Variants in DSCAM observed in about 807,000 individuals in gnomAD.
DSCAM encodes cell adhesion molecule DSCAM.
A neutral mutation model predicts 217.7 loss-of-function variants in DSCAM; 47 were observed. The observed-to-expected ratio is 0.22, with a 90% CI of 0.17 to 0.28. DSCAM has a LOEUF of 0.28. DSCAM is among the 10% of genes least tolerant of loss of function. The probability of loss-of-function intolerance (pLI) is 1.00; values close to 1 mark genes in which losing one functional copy is unlikely to be tolerated. For missense variants in DSCAM, 2,080 were observed against 2,618.3 expected (o/e 0.79, Z 4.49); for synonymous variants, 1,056 against 1,015.3 (o/e 1.04, Z -0.76).
At chr21:40,646,433 G>GA (rs1252969987) in intron 3 of DSCAM, among the ~76,000 whole-genome samples, 1 of 146,486 alleles carries the variant, frequency 6.8e-6, no homozygotes, top group East Asian at 2.1e-4. Context: ...AAAAAAGGGG[G>GA]GCTGTTCACC....
At chr21:40,294,957 T>C (rs2073937333) in intron 10 of DSCAM, among the ~76,000 whole-genome samples, 1 of 152,170 alleles carries the variant, frequency 6.6e-6, no homozygotes, top group South Asian at 2.1e-4. Context: ...AGACAGTGTC[T>C]AGCAACCTTC....
intron 32 of DSCAM, among the ~76,000 whole-genome samples, chr21:40,014,711 C>T (rs1413076258): frequency 1.3e-5 from 2 of 152,202 alleles, no homozygotes; most frequent in Non-Finnish European, 2.9e-5. Context: ...CTCCTTGCCA[C>T]CTCCTGCTTC....
At chr21:40,638,535 A>C (rs1055513058) in intron 3 of DSCAM, among the ~76,000 whole-genome samples, 1 of 152,182 alleles carries the variant, frequency 6.6e-6, no homozygotes, top group African/African-American at 2.4e-5. Context: ...ATTTAAATAT[A>C]AGATAGACAG....
At chr21:40,834,900 G>A (rs1020058972) in intron 1 of DSCAM, among the ~76,000 whole-genome samples, 12 of 152,186 alleles carry the variant, frequency 7.9e-5, no homozygotes, top group Non-Finnish European at 1.8e-4. Context: ...ATGGAGAGAG[G>A]TGAAATGCCG....
chr21:40,189,289 T>G, intron 11 of DSCAM, 51 bp from the exon 12 acceptor site: 4 of 1,423,714 alleles, frequency 2.8e-6, no homozygotes, highest in Non-Finnish European at 3.7e-6. Flanking sequence ...GGTTCTTGAT[T>G]TTCCCTGGCA....
chr21:40,646,617 TC>T (rs1167662227), intron 3 of DSCAM, among the ~76,000 whole-genome samples: 2 of 152,138 alleles, frequency 1.3e-5, no homozygotes, highest in Non-Finnish European at 2.9e-5. Context: ...AATAATGACT[TC>T]CAACATGAAG....
intron 3 of DSCAM, among the ~76,000 whole-genome samples, chr21:40,454,527 G>C (rs951162190): frequency 1.3e-5 from 2 of 152,124 alleles, no homozygotes; most frequent in African/African-American, 4.8e-5. Context: ...GAACAGAAAG[G>C]AATCCTTCTA....
At chr21:40,110,530 T>G (rs2089883649) in intron 20 of DSCAM, among the ~76,000 whole-genome samples, 1 of 152,174 alleles carries the variant, frequency 6.6e-6, no homozygotes, top group Non-Finnish European at 1.5e-5. Context: ...CAAAGGAACG[T>G]AGCTCCTCAC....
chr21:40,115,781 G>T (rs546553181), intron 20 of DSCAM, among the ~76,000 whole-genome samples: 1 of 152,264 alleles, frequency 6.6e-6, no homozygotes, highest in African/African-American at 2.4e-5. Flanking sequence ...AATACCATTT[G>T]ACCTGGCAAT....
chr21:40,420,019 A>C (rs1321540983), intron 3 of DSCAM, among the ~76,000 whole-genome samples: 1 of 152,210 alleles, frequency 6.6e-6, no homozygotes, highest in Non-Finnish European at 1.5e-5. Context: ...AGTGGTTATG[A>C]AAATGACATA....
At position 40,078,818 on chromosome 21, in the gene DSCAM, G is replaced by A. The variant is rs1400861725; in HGVS notation, c.4580C>T (p.Thr1527Ile). The stretch of plus-strand genomic sequence containing the variant: ...CAGGATGTAGGACTTGGAGAGAGAG[G>A]TCCTCTGAGCTGTGGTCCAAACTGT... Reference protein sequence around the residue: ...GTTVWTTAQRTSLSKSYILYD... With the variant: ...GTTVWTTAQRISLSKSYILYD... The change falls in exon 26 of 33, where the codon ACC (threonine) becomes ATC (isoleucine). Residue 1527 changes from threonine to isoleucine, a missense_variant. By Grantham distance (89) the Thr-to-Ile change is moderately conservative. This residue lies in a region of DSCAM where 1,144 missense variants were observed against 1,421.1 expected (regional missense o/e 0.81). Transcript: ENST00000400454. 3 of 1,614,102 alleles carry A rather than the reference G, an allele frequency of 1.9e-6. No individual in the cohort carries two copies. Among genetic ancestry groups the A allele is most frequent in the Non-Finnish European group, 2.5e-6 (3 of 1,180,058 alleles).
intron 1 of DSCAM, among the ~76,000 whole-genome samples, chr21:40,821,903 C>T (rs2091931278): frequency 6.6e-6 from 1 of 151,946 alleles, no homozygotes; most frequent in Non-Finnish European, 1.5e-5. Flanking sequence ...GGAAAAATAA[C>T]TAACGTGTAC....
At chr21:40,511,990 C>CAAA (rs780829574) in intron 3 of DSCAM, among the ~76,000 whole-genome samples, 19 of 26,788 alleles carry the variant, frequency 7.1e-4, no homozygotes, top group African/African-American at 3.3e-3. Flanking sequence ...GACTCTGTCT[C>CAAA]AAAAAAAAAA....
At chr21:40,026,224 G>C (rs1294144034) in intron 32 of DSCAM, among the ~76,000 whole-genome samples, 2 of 141,302 alleles carry the variant, frequency 1.4e-5, no homozygotes, top group African/African-American at 2.5e-5. Context: ...TGATTGACCT[G>C]TGGTCTGAGA....
At chr21:40,136,942 A>C (rs1478252375) in intron 18 of DSCAM, among the ~76,000 whole-genome samples, 1 of 152,156 alleles carries the variant, frequency 6.6e-6, no homozygotes, top group Admixed American at 6.5e-5. Flanking sequence ...CGGGAGGCCA[A>C]GGCGGGTGGA....
intron 9 of DSCAM, among the ~76,000 whole-genome samples, chr21:40,311,834 G>A (rs531667250): frequency 2.2e-3 from 332 of 151,596 alleles, no homozygotes; most frequent in Non-Finnish European, 3.1e-3. Context: ...AAATCCTATG[G>A]TTCCCACCTT....
At chr21:40,605,791 C>CTTTTTTTTTTTTTTTTTTTTT (rs755767800) in intron 3 of DSCAM, among the ~76,000 whole-genome samples, 4 of 62,006 alleles carry the variant, frequency 6.5e-5, no homozygotes, top group African/African-American at 2.5e-4. Flanking sequence ...AATGCACATT[C>CTTTTTTTTTTTTTTTTTTTTT]TTTTTTTTTT....
At position 40,123,073 on chromosome 21, in the gene DSCAM, T is replaced by G. The variant is rs547689047; in HGVS notation, c.3696+1122A>C. Among the ~76,000 whole-genome samples, 13 of 152,288 alleles carry G rather than the reference T, an allele frequency of 8.5e-5. No individual in the cohort carries two copies. In the East Asian group the frequency reaches 1.4e-3, roughly 16 times the overall value. ...ATGACAAATGCTATATCATTCCACA[T>G]GCATGAGGTCCCTAGAGGAGTCAAA... On this transcript the variant is annotated intron_variant, in intron 20 of 32. Coordinates refer to ENST00000400454, the MANE Select transcript of DSCAM (RefSeq NM_001389.5).
chr21:40,498,471 G>A (rs932588396), intron 3 of DSCAM, among the ~76,000 whole-genome samples: 1 of 151,692 alleles, frequency 6.6e-6, no homozygotes, highest in South Asian at 2.1e-4. Context: ...TTGGAAGAAA[G>A]GTGGTAGAAA....
Sources: allele counts gnomAD v4.1 joint callset (sites outside exome capture counted in the v4.1 genomes callset), GRCh38; gene constraint gnomAD v4.1.1; regional missense constraint gnomAD v4.1.1; transcripts MANE v1.5; gene names NCBI Gene and HGNC (gene_info 2026-07-23, HGNC 2026-07-21).